Variants in PLCG2 observed in about 807,000 individuals in gnomAD.
The protein encoded by PLCG2 is 1-phosphatidylinositol 4,5-bisphosphate phosphodiesterase gamma-2.
A neutral mutation model predicts 175.6 loss-of-function variants in PLCG2; 69 were observed. The ratio of observed to expected loss-of-function variants is 0.39; its 90% CI spans 0.32 to 0.48. The LOEUF is 0.48. Among genes scored for constraint, PLCG2 ranks in the 20% least tolerant of loss-of-function variants. The probability of loss-of-function intolerance (pLI) is 0.91; values close to 1 mark genes in which losing one functional copy is unlikely to be tolerated. For synonymous variants in PLCG2, 827 were observed against 624.0 expected (o/e 1.33, Z -4.85); for missense variants, 1,798 against 1,650.9 (o/e 1.09, Z -1.54).
intron 2 of PLCG2, among the ~76,000 whole-genome samples, chr16:81,811,399 T>C (rs186750867): frequency 6.6e-6 from 1 of 152,294 alleles, no homozygotes; most frequent in Non-Finnish European, 1.5e-5. Flanking sequence ...GGAAGGCCAT[T>C]CCCAGTGTTA....
chr16:81,822,742 C>G (rs1455418804), intron 2 of PLCG2, among the ~76,000 whole-genome samples: 1 of 107,044 alleles, frequency 9.3e-6, no homozygotes, highest in Non-Finnish European at 1.7e-5. Flanking sequence ...GCCTGGGAGA[C>G]AAGAGCGAGA....
chr16:81,781,026 A>AAGAC (rs986099192), intron 1 of PLCG2, among the ~76,000 whole-genome samples: 16 of 116,270 alleles, frequency 1.4e-4, no homozygotes, highest in African/African-American at 4.6e-4. Context: ...ACTCCATCTC[A>AAGAC]AGACAAACAA....
intron 7 of PLCG2, 102 bp downstream of exon 7, chr16:81,871,037 C>A: frequency 1.7e-6 from 1 of 593,586 alleles, no homozygotes; most frequent in Non-Finnish European, 2.9e-6. Context: ...GTTGAATCTC[C>A]ATTTTAGTCA....
chr16:81,874,828 A>T (rs920290057), intron 7 of PLCG2, among the ~76,000 whole-genome samples: 2 of 152,066 alleles, frequency 1.3e-5, no homozygotes, highest in Non-Finnish European at 2.9e-5. Flanking sequence ...ATGTAATCTC[A>T]CGTTTGTGTC....
chr16:81,895,287 G>A (rs894923091), intron 12 of PLCG2, among the ~76,000 whole-genome samples: 109 of 152,332 alleles, frequency 7.2e-4, no homozygotes, highest in African/African-American at 2.4e-3. Context: ...GAGGTTGGGC[G>A]TGGTGGCTCA....
At chr16:81,762,549 A>G (rs1910063499) in intron 2 of PLCG2, among the ~76,000 whole-genome samples, 2 of 152,038 alleles carry the variant, frequency 1.3e-5, no homozygotes, top group Admixed American at 1.3e-4. Context: ...AGCCTGGGCA[A>G]TAGAGTGAGA....
At chr16:81,762,144 T>A (rs1372128928) in intron 2 of PLCG2, among the ~76,000 whole-genome samples, 1 of 152,102 alleles carries the variant, frequency 6.6e-6, no homozygotes, top group Non-Finnish European at 1.5e-5. Flanking sequence ...CCCTGAACAT[T>A]TACTCTGTTT....
chr16:81,820,164 A>G (rs1169550218), intron 2 of PLCG2, among the ~76,000 whole-genome samples: 3 of 152,208 alleles, frequency 2.0e-5, no homozygotes, highest in African/African-American at 7.2e-5. Flanking sequence ...TTTAATTTAT[A>G]TACAATAAAA....
At chr16:81,925,993 G>A (rs1182626081) in intron 22 of PLCG2, among the ~76,000 whole-genome samples, 2 of 152,216 alleles carry the variant, frequency 1.3e-5, no homozygotes, top group Non-Finnish European at 2.9e-5. Flanking sequence ...GTGGGGACAG[G>A]ATGCCAGGGG....
chr16:81,747,095 GTATTAA>G (rs1379744058), intron 1 of PLCG2, among the ~76,000 whole-genome samples: 1 of 152,144 alleles, frequency 6.6e-6, no homozygotes, highest in African/African-American at 2.4e-5. Context: ...ACTAGCGATA[GTATTAA>G]TGGGTTTATC....
At chr16:81,867,992 G>A (rs943792922) in intron 5 of PLCG2, among the ~76,000 whole-genome samples, 4 of 152,086 alleles carry the variant, frequency 2.6e-5, no homozygotes, top group African/African-American at 9.7e-5. Flanking sequence ...AGCCACCACC[G>A]TGCCTGGCCC....
chr16:81,899,330 G>A (rs904562835), intron 13 of PLCG2, among the ~76,000 whole-genome samples: 6 of 148,248 alleles, frequency 4.0e-5, no homozygotes, highest in Non-Finnish European at 7.4e-5. Context: ...GTATATATAC[G>A]TATATATGTA....
At chr16:81,950,753 CAAGTA>C (rs2143766583) in intron 31 of PLCG2, among the ~76,000 whole-genome samples, 1 of 152,202 alleles carries the variant, frequency 6.6e-6, no homozygotes, top group South Asian at 2.1e-4. Context: ...TATACTAAAA[CAAGTA>C]AATTACTTAG....
At chr16:81,932,801 GCTC>G (rs1910557852) in intron 25 of PLCG2, among the ~76,000 whole-genome samples, 1 of 152,216 alleles carries the variant, frequency 6.6e-6, no homozygotes, top group South Asian at 2.1e-4. Context: ...CTTCCCTAGG[GCTC>G]CTAATTCTTC....
At chr16:81,899,227 CATAA>C in intron 13 of PLCG2, among the ~76,000 whole-genome samples, 1 of 151,054 alleles carries the variant, frequency 6.6e-6, no homozygotes, top group South Asian at 2.1e-4. Flanking sequence ...TAAATAAATA[CATAA>C]ATAAATGACT....
At chr16:81,848,273 C>G (rs1342817258) in intron 2 of PLCG2, among the ~76,000 whole-genome samples, 1 of 152,162 alleles carries the variant, frequency 6.6e-6, no homozygotes, top group Non-Finnish European at 1.5e-5. Flanking sequence ...TAATACTTGT[C>G]TTGGGAAGAA....
At chr16:81,825,594 C>T (rs984942502) in intron 2 of PLCG2, among the ~76,000 whole-genome samples, 2 of 151,996 alleles carry the variant, frequency 1.3e-5, no homozygotes, top group African/African-American at 4.8e-5. Context: ...CGCGCCCAGC[C>T]CGAGATGCTC....
intron 2 of PLCG2, among the ~76,000 whole-genome samples, chr16:81,849,126 G>A (rs908117855): frequency 6.6e-6 from 1 of 152,184 alleles, no homozygotes; most frequent in Non-Finnish European, 1.5e-5. Context: ...ACAGGGCTGT[G>A]GTTCTTAGTC....
At chr16:81,914,215 C>T (rs796415553) in intron 19 of PLCG2, among the ~76,000 whole-genome samples, 3 of 152,358 alleles carry the variant, frequency 2.0e-5, no homozygotes, top group African/African-American at 7.2e-5. Context: ...CTGGCTGAAA[C>T]TGAGGTGCCC....
Sources: gnomAD v4.1 joint callset for allele counts (sites outside exome capture counted in the v4.1 genomes callset) on GRCh38, gnomAD v4.1.1 for gene constraint, MANE v1.5 for transcripts, NCBI Gene and HGNC (gene_info 2026-07-23, HGNC 2026-07-21) for gene names.